DARS1: variants seen among roughly 807,000 people sequenced by gnomAD.
The protein encoded by DARS1 is aspartyl-tRNA synthetase 1.
DARS1 carries 51 observed loss-of-function variants against 68.8 expected under a neutral mutation model. The ratio of observed to expected loss-of-function variants is 0.74; its 90% confidence interval spans 0.59 to 0.94. DARS1 has a LOEUF of 0.94. Among genes scored for constraint, DARS1 ranks in the 40% least tolerant of loss-of-function variants. The probability of loss-of-function intolerance (pLI) is 0.00; values close to 1 mark genes in which losing one functional copy is unlikely to be tolerated. For missense variants in DARS1, 607 were observed against 597.3 expected, an observed-to-expected ratio of 1.02 and a Z score of -0.17; for synonymous variants, 203 against 190.4, an observed-to-expected ratio of 1.07 and a Z score of -0.55.
At chr2:135,925,830 A>G (rs1001273697) in intron 7 of DARS1, among the ~76,000 whole-genome samples, 3 of 152,180 alleles carry the variant, frequency 2.0e-5, no homozygotes, top group Non-Finnish European at 2.9e-5. Flanking sequence ...CTAGTGACCT[A>G]TTTAGCAAAA....
chr2:135,934,942 G>T (rs962386199), intron 5 of DARS1, among the ~76,000 whole-genome samples: 1 of 151,440 alleles, frequency 6.6e-6, no homozygotes, highest in Non-Finnish European at 1.5e-5. Flanking sequence ...CTACAGGCAC[G>T]TGCCACACCA....
intron 5 of DARS1, 151 bp from the exon 6 acceptor site, chr2:135,934,141 G>T: frequency 7.3e-7 from 1 of 1,372,544 alleles, no homozygotes; most frequent in Non-Finnish European, 9.6e-7. Flanking sequence ...AGATGATACA[G>T]GTTTTTTCAC....
intron 6 of DARS1, among the ~76,000 whole-genome samples, chr2:135,933,185 G>C (rs1681391568): frequency 6.6e-6 from 1 of 152,224 alleles, no homozygotes; most frequent in Admixed American, 6.5e-5. Flanking sequence ...TGAAGGAACA[G>C]ATAAAAGCTG....
In DARS1 at chr2:135,911,173, G is replaced by A; in HGVS notation, c.1380C>T (p.Arg460=). ...CACCAGCATGAGGAGGGGCTCCAAA[G>A]CGGAAGGAATCAATGTAAGCCTTAA... ...EKIKAYIDSF[R]FGAPPHAGGG... The change falls in exon 15 of 16, where the codon CGC becomes CGT. Residue 460 remains arginine (R), a synonymous_variant. Transcript: ENST00000264161. The A allele has an allele frequency of 6.4e-7, 1 of 1,552,382 alleles. No homozygotes were observed.
At chr2:135,932,444 T>C (rs144163579) in intron 7 of DARS1, among the ~76,000 whole-genome samples, 1 of 152,322 alleles carries the variant, frequency 6.6e-6, no homozygotes, top group African/African-American at 2.4e-5. Context: ...GTAATTTTTT[T>C]CATAACTTTG....
intron 5 of DARS1, among the ~76,000 whole-genome samples, chr2:135,941,075 G>A (rs1160091271): frequency 6.6e-6 from 1 of 152,118 alleles, no homozygotes; most frequent in East Asian, 1.9e-4. Flanking sequence ...TGTGAAAATG[G>A]CCATACTGCC....
At chr2:135,976,566 C>T (rs1017377806) in intron 3 of DARS1, among the ~76,000 whole-genome samples, 4 of 151,748 alleles carry the variant, frequency 2.6e-5, no homozygotes, top group African/African-American at 9.7e-5. Flanking sequence ...TGTTTTGAGG[C>T]AGGAGGCACT....
chr2:135,979,961 C>A (rs1044121380), intron 2 of DARS1, among the ~76,000 whole-genome samples: 5 of 152,210 alleles, frequency 3.3e-5, no homozygotes, highest in African/African-American at 1.2e-4. Context: ...GCTGCGCTGA[C>A]ATGGTGCAGG....
In DARS1 at chr2:135,922,803, C is replaced by A; in HGVS notation, c.792G>T (p.Lys264Asn). 1.3e-6 allele frequency: 2 copies of A among 1,567,564 alleles called. No homozygotes were observed. Among genetic ancestry groups the A allele is most frequent in the Non-Finnish European group, 8.6e-7 (1 of 1,160,974 alleles). The change falls in exon 9 of 16, where the codon AAG becomes AAT. Residue 264 changes from lysine (K) to asparagine (N), a missense_variant. Lys to Asn is a moderately conservative substitution (Grantham distance 94). Coordinates refer to ENST00000264161, the MANE Select transcript of DARS1 (RefSeq NM_001349.4). ...TCTTACCTGGTCCAATAGAGAAAAC[C>A]TTCTCAAAATCAGCACAAATGCACA... ...KQMCICADFE[K>N]VFSIGPVFRA...
At chr2:135,922,997 A>G in intron 8 of DARS1, 79 bp from the exon 9 acceptor site, 1 of 1,292,722 alleles carries the variant, frequency 7.7e-7, no homozygotes, top group Non-Finnish European at 9.8e-7. Flanking sequence ...TAAAAAGTTT[A>G]TACTCAGGTA....
chr2:135,976,211 A>G (rs1003270639), intron 3 of DARS1, among the ~76,000 whole-genome samples: 7 of 152,172 alleles, frequency 4.6e-5, no homozygotes, highest in African/African-American at 1.4e-4. Flanking sequence ...AATTTCTATC[A>G]TTTCAAACTT....
At chr2:135,930,484 G>T (rs1450564654) in intron 7 of DARS1, among the ~76,000 whole-genome samples, 1 of 152,124 alleles carries the variant, frequency 6.6e-6, no homozygotes, top group Non-Finnish European at 1.5e-5. Flanking sequence ...ATGCTTACCT[G>T]GCAACCCAAG....
At chr2:135,944,986 C>G (rs942225886) in intron 4 of DARS1, among the ~76,000 whole-genome samples, 2 of 152,106 alleles carry the variant, frequency 1.3e-5, no homozygotes, top group East Asian at 1.9e-4. Context: ...AGTAGAGGTC[C>G]ACTCTGCTAC....
At chr2:135,944,124 C>T (rs1343326441) in intron 4 of DARS1, among the ~76,000 whole-genome samples, 1 of 152,018 alleles carries the variant, frequency 6.6e-6, no homozygotes, top group Non-Finnish European at 1.5e-5. Context: ...AACTTGAATT[C>T]TGAACACCAG....
chr2:135,912,080 A>T (rs1217508232), intron 13 of DARS1, among the ~76,000 whole-genome samples: 1 of 152,164 alleles, frequency 6.6e-6, no homozygotes, highest in Non-Finnish European at 1.5e-5. Context: ...AAGTTTAGAA[A>T]CCACTGCAAT....
intron 3 of DARS1, among the ~76,000 whole-genome samples, chr2:135,973,534 A>T (rs1407507940): frequency 6.6e-6 from 1 of 152,020 alleles, no homozygotes; most frequent in Non-Finnish European, 1.5e-5. Context: ...GACTACAGCC[A>T]ATAATAATTG....
rs1041169610 is a variant in DARS1 at position 135,932,952 on chromosome 2, A to G, written c.505-110T>C. ...ACTTTTAATTGAGTAGGATGTGTGTACGTTAATATTATGCCCGAAAATCAG... is the reference window on the plus strand; with the variant it reads ...ACTTTTAATTGAGTAGGATGTGTGTGCGTTAATATTATGCCCGAAAATCAG... On this transcript the variant is annotated intron_variant, in intron 6 of 15. Transcript: ENST00000264161. The G allele has an allele frequency of 1.2e-5, 7 of 601,168 alleles. No individual in the cohort carries two copies. The Admixed American group carries it at 1.2e-4, about 11-fold the overall frequency. The allele number at this position is 601,168 out of a possible 1,614,324, so 37.2% of individuals were successfully genotyped here.
intron 5 of DARS1, among the ~76,000 whole-genome samples, chr2:135,939,241 T>C (rs111527167): frequency 0.015 from 2,282 of 152,230 alleles, 66 homozygotes; most frequent in African/African-American, 0.052. Context: ...TATTCCAAAA[T>C]TGACCACATA....
intron 4 of DARS1, among the ~76,000 whole-genome samples, chr2:135,944,486 A>G (rs976126944): frequency 2.0e-5 from 3 of 152,184 alleles, no homozygotes; most frequent in Admixed American, 6.5e-5. Context: ...CAAAATGAGG[A>G]TAATAGGTGA....
Sources: gnomAD v4.1 joint callset for allele counts (sites outside exome capture counted in the v4.1 genomes callset) on GRCh38, gnomAD v4.1.1 for gene constraint, MANE v1.5 for transcripts, NCBI Gene and HGNC (gene_info 2026-07-23, HGNC 2026-07-21) for gene names.